GLIS3: variants seen among roughly 807,000 people sequenced by gnomAD.
The protein encoded by GLIS3 is zinc finger protein GLIS3.
GLIS3 carries 53 observed loss-of-function variants against 78.6 expected under a neutral mutation model. The ratio of observed to expected loss-of-function variants is 0.67; its 90% confidence interval spans 0.54 to 0.85. GLIS3 has a LOEUF of 0.85. Among genes scored for constraint, GLIS3 ranks in the 40% least tolerant of loss-of-function variants. The probability of loss-of-function intolerance (pLI) is 0.00; values close to 1 mark genes in which losing one functional copy is unlikely to be tolerated. For missense variants in GLIS3, 1,703 were observed against 1,231.1 expected (o/e 1.38, Z -5.74); for synonymous variants, 684 against 509.9 (o/e 1.34, Z -4.60).
chr9:4,011,243 C>T (rs901986502), intron 4 of GLIS3, among the ~76,000 whole-genome samples: 1 of 152,142 alleles, frequency 6.6e-6, no homozygotes, highest in East Asian at 1.9e-4. Flanking sequence ...CAAGCAGCTG[C>T]TGAGGTGTGG....
At chr9:4,133,891 G>A (rs899485911) in intron 2 of GLIS3, among the ~76,000 whole-genome samples, 5 of 146,886 alleles carry the variant, frequency 3.4e-5, no homozygotes, top group East Asian at 2.0e-4. Flanking sequence ...ATCTGTCCTC[G>A]CCTGAACGGG....
At chr9:4,436,478 C>A in the GLIS3 span, among the ~76,000 whole-genome samples, 1 of 152,086 alleles carries the variant, frequency 6.6e-6, no homozygotes, top group Admixed American at 6.6e-5. Context: ...CCCCAAGCTA[C>A]CTTCACCATC....
chr9:4,196,198 T>C lies in GLIS3; in HGVS notation c.389-70257A>G, dbSNP rs575088821. On this transcript the variant is annotated intron_variant, in intron 2 of 10. Coordinates refer to ENST00000381971, the MANE Select transcript of GLIS3 (RefSeq NM_001042413.2). ...ACTTTCATGTCTAGCCAGAGGATTG[T>C]ATATGCACCAATCAGCACTCTGTAT... Among the ~76,000 whole-genome samples the C allele has an allele frequency of 2.0e-5, 3 of 152,294 alleles. No individual in the cohort carries two copies. In the South Asian group the frequency reaches 6.2e-4, roughly 32 times the overall value.
chr9:3,995,345 A>G (rs1228210662), intron 4 of GLIS3, among the ~76,000 whole-genome samples: 1 of 152,182 alleles, frequency 6.6e-6, no homozygotes, highest in East Asian at 1.9e-4. Flanking sequence ...AACAATGACA[A>G]CTACTCCATG....
chr9:4,052,134 G>GT (rs1825790543), intron 4 of GLIS3, among the ~76,000 whole-genome samples: 1 of 152,098 alleles, frequency 6.6e-6, no homozygotes, highest in South Asian at 2.1e-4. Flanking sequence ...TTATATTTTG[G>GT]TAAGTCCATG....
At chr9:4,300,241 C>G (rs1408740184), upstream of GLIS3, among the ~76,000 whole-genome samples, 2 of 151,690 alleles carry the variant, frequency 1.3e-5, no homozygotes, top group Admixed American at 1.3e-4. Context: ...CACACACACA[C>G]ACACACTCCC....
intron 7 of GLIS3, among the ~76,000 whole-genome samples, chr9:3,891,548 ATAAAT>A (rs1822449597): frequency 6.6e-6 from 1 of 152,154 alleles, no homozygotes; most frequent in South Asian, 2.1e-4. Flanking sequence ...AATTTTAAAA[ATAAAT>A]TAGCCAGGTG....
intron 3 of GLIS3, among the ~76,000 whole-genome samples, chr9:4,121,809 G>T (rs913193601): frequency 9.2e-5 from 14 of 152,252 alleles, no homozygotes; most frequent in African/African-American, 3.4e-4. Context: ...GGTATAACAG[G>T]CTTAAAGTCA....
At chr9:4,129,218 G>A (rs770140353) in intron 2 of GLIS3, among the ~76,000 whole-genome samples, 1 of 152,144 alleles carries the variant, frequency 6.6e-6, no homozygotes, top group African/African-American at 2.4e-5. Flanking sequence ...TTGGAGTGTG[G>A]GCTCTGGAGA....
At chr9:4,281,180 C>T (rs1827513315) in intron 2 of GLIS3, among the ~76,000 whole-genome samples, 1 of 152,162 alleles carries the variant, frequency 6.6e-6, no homozygotes, top group Non-Finnish European at 1.5e-5. Context: ...TTAAATTGTG[C>T]ACTCTAGTGT....
At chr9:4,165,335 G>A (rs574699738) in intron 2 of GLIS3, among the ~76,000 whole-genome samples, 3 of 152,158 alleles carry the variant, frequency 2.0e-5, no homozygotes, top group Non-Finnish European at 4.4e-5. Flanking sequence ...CAGTTACTCG[G>A]GAGGCTGAGG....
At chr9:4,008,404 C>G (rs1005915968) in intron 4 of GLIS3, among the ~76,000 whole-genome samples, 21 of 152,150 alleles carry the variant, frequency 1.4e-4, no homozygotes, top group African/African-American at 4.8e-4. Flanking sequence ...CATTCTGCAC[C>G]AAAGTGAAGA....
chr9:4,185,681 GT>G (rs1250244739), intron 2 of GLIS3, among the ~76,000 whole-genome samples: 1 of 152,188 alleles, frequency 6.6e-6, no homozygotes, highest in Non-Finnish European at 1.5e-5. Flanking sequence ...AGTCAATCAT[GT>G]GGATAGCAGT....
chr9:3,947,647 G>A (rs1816391669), intron 4 of GLIS3, among the ~76,000 whole-genome samples: 1 of 152,194 alleles, frequency 6.6e-6, no homozygotes, highest in Non-Finnish European at 1.5e-5. Context: ...ACCATAAATT[G>A]GCCCACACTG....
chr9:4,126,353 A>G (rs1310534213), intron 2 of GLIS3, among the ~76,000 whole-genome samples: 1 of 152,248 alleles, frequency 6.6e-6, no homozygotes, highest in Non-Finnish European at 1.5e-5. Flanking sequence ...AACCTGTTTA[A>G]CTGGTTTACT....
chr9:4,376,890 G>T, the GLIS3 span, among the ~76,000 whole-genome samples: 2 of 134,696 alleles, frequency 1.5e-5, 1 homozygote, highest in Non-Finnish European at 3.3e-5. Flanking sequence ...TTGCAAATGC[G>T]CGTGTTCTTT....
chr9:4,480,850 A>C, the GLIS3 span, among the ~76,000 whole-genome samples: 6 of 150,030 alleles, frequency 4.0e-5, no homozygotes, highest in African/African-American at 9.9e-5. Flanking sequence ...AAAAAAAAAA[A>C]CCCACCTACT....
the GLIS3 span, among the ~76,000 whole-genome samples, chr9:4,426,567 C>A: frequency 1.1e-3 from 170 of 152,340 alleles, no homozygotes; most frequent in African/African-American, 3.9e-3. Flanking sequence ...CTCTATAGAG[C>A]TTTTCCTGAG....
chr9:4,389,580 G>A, the GLIS3 span, among the ~76,000 whole-genome samples: 2 of 152,138 alleles, frequency 1.3e-5, no homozygotes, highest in African/African-American at 4.8e-5. Context: ...TTCAATAGAA[G>A]AATCTAAATC....
Sources: allele counts gnomAD v4.1 joint callset (sites outside exome capture counted in the v4.1 genomes callset), GRCh38; gene constraint gnomAD v4.1.1; transcripts MANE v1.5; gene names NCBI Gene and HGNC (gene_info 2026-07-23, HGNC 2026-07-21).